FAM221A: variants seen among roughly 807,000 people sequenced by gnomAD.
The protein encoded by FAM221A is family with sequence similarity 221 member A, also known as protein FAM221A.
Under a neutral mutation model 37.6 loss-of-function variants are expected in FAM221A, and 43 were observed. The observed-to-expected ratio is 1.15, with a 90% CI of 0.90 to 1.48. FAM221A has a LOEUF of 1.48. Ranked by LOEUF, FAM221A falls within the 40% of genes most tolerant of loss-of-function variation. The pLI is 0.00. For synonymous variants in FAM221A, 135 were observed against 132.9 expected, an observed-to-expected ratio of 1.02 and a Z score of -0.11; for missense variants, 361 against 361.5, an observed-to-expected ratio of 1.00 and a Z score of 0.01.
rs1267347039 is a variant in FAM221A at position 23,693,559 on chromosome 7, A to G, written c.637+1963A>G. The G allele has an allele frequency of 2.2e-5, 3 of 139,268 alleles. No homozygotes were observed. The South Asian group carries it at 7.4e-4, about 34-fold the overall frequency. 8.6% of individuals were successfully genotyped at this position (139,268 alleles called of 1,614,324 possible). A position where few individuals can be genotyped will look rare whatever the true frequency, so the allele number is the denominator to read the frequency against. ...TTTTTTTGTTATTTATTTTGCAAAC[A>G]TTTTCTCCCAAGCTATCATTTGTCT... On this transcript the variant is annotated intron_variant, in intron 4 of 6. Transcript: ENST00000344962.
chr7:23,692,743 T>G, intron 4 of FAM221A: 2 of 981,206 alleles, frequency 2.0e-6, no homozygotes, highest in South Asian at 9.4e-5. Context: ...TCTCTTTGTC[T>G]AATTCTTTCC....
chr7:23,702,242 T>C lies in FAM221A; in HGVS notation c.*78T>C. 1.1e-6 allele frequency: 1 copy of C among 923,410 alleles called. No homozygotes were observed. The highest frequency in any genetic ancestry group is 3.1e-5 in the East Asian group (1 of 32,484). The allele number at this position is 923,410 out of a possible 1,614,324, so 57.2% of individuals were successfully genotyped here. A position where few individuals can be genotyped will look rare whatever the true frequency, so the allele number is the denominator to read the frequency against. On this transcript the variant is annotated 3_prime_UTR_variant, in exon 7 of 7. Transcript: ENST00000344962. ...TAAATGTAATAATACAGTTTATTTT[T>C]CCTGAAATTATTTACTTTTTTTTTT...
intron 1 of FAM221A, among the ~76,000 whole-genome samples, chr7:23,683,680 T>G (rs1043923212): frequency 1.3e-5 from 2 of 152,128 alleles, no homozygotes; most frequent in Admixed American, 6.6e-5. Context: ...AACCCTCTTA[T>G]ATAGGAAGTG....
intron 4 of FAM221A, among the ~76,000 whole-genome samples, chr7:23,697,966 C>A (rs746262586): frequency 2.0e-5 from 3 of 151,792 alleles, no homozygotes; most frequent in Admixed American, 6.6e-5. Context: ...CCCTATGTTA[C>A]CAAGACTGGT....
At position 23,680,228 on chromosome 7, in the gene FAM221A, T is replaced by C. The variant is rs1783940234; in HGVS notation, c.10T>C (p.Leu4=). Residue 4 remains leucine, a synonymous_variant, in exon 1 of 7, where the codon TTG becomes CTG. Coordinates refer to ENST00000344962, the MANE Select transcript of FAM221A (RefSeq NM_199136.5). MER[L]TLPLGGAAAV... is the part of the protein sequence containing the mutation. ...GGCTTCCCCACCGGCAATGGAGCGG[T>C]TGACGTTGCCTCTCGGCGGCGCGGC... 2 of 1,549,660 alleles carry C rather than the reference T, an allele frequency of 1.3e-6. No homozygotes were observed. Among genetic ancestry groups the C allele is most frequent in the Non-Finnish European group, 1.7e-6 (2 of 1,146,092 alleles).
At chr7:23,692,073 G>A (rs1229341538) in intron 4 of FAM221A, 6 of 357,876 alleles carry the variant, frequency 1.7e-5, no homozygotes, top group Non-Finnish European at 2.4e-5. Context: ...AATCACTTCT[G>A]TAGTAAAATA....
chr7:23,683,470 T>C (rs192557949), intron 1 of FAM221A, among the ~76,000 whole-genome samples: 134 of 152,302 alleles, frequency 8.8e-4, no homozygotes, highest in Non-Finnish European at 1.5e-3. Context: ...GCTTTGATGT[T>C]TTTTGTACTC....
At position 23,700,792 on chromosome 7, in the gene FAM221A, C is replaced by T. The variant is rs765125999; in HGVS notation, c.752C>T (p.Thr251Ile). 2 of 1,594,194 alleles carry T rather than the reference C, an allele frequency of 1.3e-6. No individual in the cohort carries two copies. Among genetic ancestry groups the T allele is most frequent in the South Asian group, 1.1e-5 (1 of 87,788 alleles). Reference protein sequence around the residue: ...SSPETLTDVGTSSQVSSLRRP... With the variant: ...SSPETLTDVGISSQVSSLRRP... The stretch of plus-strand genomic sequence containing the variant: ...GATTTTTTTTCCTTGTTAGTAGGTA[C>T]AAGTAGTCAAGTTTCTTCATTAAGG... Residue 251 changes from threonine (T) to isoleucine (I), a missense_variant, in exon 6 of 7, where the codon ACA (threonine) becomes ATA (isoleucine). Thr to Ile is a moderately conservative substitution (Grantham distance 89). Coordinates refer to ENST00000344962, the MANE Select transcript of FAM221A (RefSeq NM_199136.5).
chr7:23,684,333 G>A (rs1004630318), intron 1 of FAM221A, among the ~76,000 whole-genome samples, 166 bp from the exon 2 acceptor site: 2 of 110,686 alleles, frequency 1.8e-5, no homozygotes, highest in Non-Finnish European at 4.2e-5. Flanking sequence ...CACTCAGTCA[G>A]TGCTGAAACA....
intron 5 of FAM221A, 74 bp downstream of exon 5, chr7:23,698,373 C>T: frequency 5.1e-6 from 4 of 785,722 alleles, no homozygotes; most frequent in South Asian, 1.6e-5. Context: ...GTTTTCTAGG[C>T]ATCTCTCTTT....
rs1785509553 is a variant in FAM221A, at chr7:23,702,294, T to C, written c.*130T>C. The C allele has an allele frequency of 5.9e-6, 3 of 505,910 alleles. No individual in the cohort carries two copies. In the South Asian group the frequency reaches 1.6e-4, roughly 26 times the overall value. 31.3% of individuals were successfully genotyped at this position (505,910 alleles called of 1,614,324 possible). ...ACTGTATAAATGTCTTTTGGGATGT[T>C]TCCTTAATTTATTTAAATAACTAAA... On this transcript the variant is annotated 3_prime_UTR_variant, in exon 7 of 7. Transcript: ENST00000344962.
intron 4 of FAM221A, among the ~76,000 whole-genome samples, chr7:23,691,980 A>G (rs1205440415): frequency 6.6e-6 from 1 of 152,164 alleles, no homozygotes; most frequent in African/African-American, 2.4e-5. Context: ...ACTGTATGTA[A>G]CTTAAGCTAT....
intron 3 of FAM221A, among the ~76,000 whole-genome samples, chr7:23,690,200 T>TATATATATATATATATA (rs1491098232): frequency 2.4e-3 from 45 of 18,582 alleles, no homozygotes; most frequent in Non-Finnish European, 3.7e-3. Flanking sequence ...TATATATATA[T>TATATATATATATATATA]TTTTTTTTTT....
chr7:23,684,039 C>T (rs1375289628), intron 1 of FAM221A, among the ~76,000 whole-genome samples: 1 of 151,964 alleles, frequency 6.6e-6, no homozygotes, highest in African/African-American at 2.4e-5. Flanking sequence ...CTAAATGGGT[C>T]CAGGTGCTGG....
intron 2 of FAM221A, chr7:23,686,465 T>A (rs76976302): frequency 3.2e-6 from 1 of 316,388 alleles, no homozygotes; most frequent in South Asian, 2.5e-5. Flanking sequence ...TGGTTTGGCT[T>A]TGTTACCCAG....
intron 1 of FAM221A, 140 bp from the exon 2 acceptor site, chr7:23,684,359 C>T (rs1483645633): frequency 6.6e-6 from 4 of 603,176 alleles, no homozygotes; most frequent in South Asian, 4.9e-5. Context: ...TACAGAGACC[C>T]GGCCTGCCAC....
chr7:23,682,311 C>A (rs1355187881), intron 1 of FAM221A, among the ~76,000 whole-genome samples: 1 of 151,550 alleles, frequency 6.6e-6, no homozygotes, highest in Non-Finnish European at 1.5e-5. Flanking sequence ...AGCAATCCTC[C>A]CACCTCAGCC....
chr7:23,697,543 T>G (rs1316006004), intron 4 of FAM221A, among the ~76,000 whole-genome samples: 1 of 152,212 alleles, frequency 6.6e-6, no homozygotes, highest in Non-Finnish European at 1.5e-5. Context: ...TAGTAAGGAA[T>G]AGAGTAAAAA....
At chr7:23,696,081 C>T (rs927003789) in intron 4 of FAM221A, among the ~76,000 whole-genome samples, 1 of 152,164 alleles carries the variant, frequency 6.6e-6, no homozygotes, top group Non-Finnish European at 1.5e-5. Flanking sequence ...AGTGTACTTA[C>T]ATAAACCTAG....
Sources: gnomAD v4.1 joint callset for allele counts (sites outside exome capture counted in the v4.1 genomes callset) on GRCh38, gnomAD v4.1.1 for gene constraint, MANE v1.5 for transcripts, NCBI Gene and HGNC (gene_info 2026-07-23, HGNC 2026-07-21) for gene names.